ALOX5: variants seen among roughly 807,000 people sequenced by gnomAD.
ALOX5 encodes the protein arachidonate 5-lipoxygenase.
ALOX5 carries 64 observed loss-of-function variants against 87.9 expected under a neutral mutation model. That is an observed-to-expected ratio of 0.73 (90% CI 0.60 to 0.90). ALOX5 has a LOEUF of 0.90. ALOX5 is among the 40% of genes least tolerant of loss of function. ALOX5 has a pLI of 0.00. For synonymous variants in ALOX5, 388 were observed against 355.1 expected, an observed-to-expected ratio of 1.09 and a Z score of -1.04; for missense variants, 822 against 907.5, an observed-to-expected ratio of 0.91 and a Z score of 1.21.
intron 1 of ALOX5, among the ~76,000 whole-genome samples, chr10:45,381,815 AC>A (rs1336903769): frequency 2.6e-5 from 4 of 152,360 alleles, no homozygotes; most frequent in Non-Finnish European, 4.4e-5. Flanking sequence ...GGGTCGTAGC[AC>A]TGAGCCTTGT....
At chr10:45,398,312 A>G in intron 3 of ALOX5, among the ~76,000 whole-genome samples, 1 of 152,218 alleles carries the variant, frequency 6.6e-6, no homozygotes, top group Non-Finnish European at 1.5e-5. Flanking sequence ...ATGAAGTTGG[A>G]TCCTTAGCTC....
intron 3 of ALOX5, among the ~76,000 whole-genome samples, chr10:45,409,509 GTCTCTCTC>G (rs71515351): frequency 9.2e-4 from 120 of 129,822 alleles, no homozygotes; most frequent in Non-Finnish European, 1.6e-3. Context: ...CTGTCTGTCT[GTCTCTCTC>G]TCTCTCTCTC....
rs533411996 is a variant in ALOX5 at position 45,377,444 on chromosome 10, CCTCTACA to C, written c.150+3020_150+3026del. Among the ~76,000 whole-genome samples the C allele has an allele frequency of 2.7e-3, 405 of 151,950 alleles. 1 individual carries two copies. The highest frequency in any genetic ancestry group is 4.4e-3 in the Non-Finnish European group (298 of 67,970). ...TCCCTTCTTTTTTGCTCTGAATTTT[CCTCTACA>C]CTCTGTCTTCCAGCCACCTCTCAGA... On this transcript the variant is annotated intron_variant, in intron 1 of 13. Coordinates refer to ENST00000374391, the MANE Select transcript of ALOX5 (RefSeq NM_000698.5).
chr10:45,406,918 T>A (rs1440979605), intron 3 of ALOX5, among the ~76,000 whole-genome samples: 5 of 152,234 alleles, frequency 3.3e-5, no homozygotes, highest in African/African-American at 1.2e-4. Flanking sequence ...CCCTCTCATA[T>A]TTTTGTTTCT....
chr10:45,425,239 C>T lies in ALOX5; in HGVS notation c.834+107C>T, dbSNP rs1040603116. 1.3e-5 allele frequency: 18 copies of T among 1,353,180 alleles called. No individual in the cohort carries two copies. The highest frequency in any genetic ancestry group is 1.6e-5 in the Non-Finnish European group (16 of 1,008,818). 83.8% of individuals were successfully genotyped at this position (1,353,180 alleles called of 1,614,324 possible). ...GCCACCAAGACGCTAACTGCAGGCC[C>T]ATCTGGCCTACAGCAGCCGCTTCCT... On this transcript the variant is annotated intron_variant, in intron 6 of 13. Coordinates refer to ENST00000374391, the MANE Select transcript of ALOX5 (RefSeq NM_000698.5). This position sits in a 1 kb window ranked among gnomAD's most constrained non-coding sequence, Gnocchi z 4.4.
intron 3 of ALOX5, among the ~76,000 whole-genome samples, chr10:45,397,971 G>A (rs1056992259): frequency 6.6e-6 from 1 of 152,266 alleles, no homozygotes; most frequent in South Asian, 2.1e-4. Flanking sequence ...TGATTTCTTT[G>A]CAGAAATTGA....
At chr10:45,406,990 T>C (rs1840908437) in intron 3 of ALOX5, among the ~76,000 whole-genome samples, 1 of 152,240 alleles carries the variant, frequency 6.6e-6, no homozygotes, top group Non-Finnish European at 1.5e-5. Context: ...TTTAGGAGTT[T>C]ATTGATTCAT....
chr10:45,393,927 T>C (rs1324458523), intron 2 of ALOX5, among the ~76,000 whole-genome samples: 3 of 152,286 alleles, frequency 2.0e-5, no homozygotes, highest in Middle Eastern at 6.8e-3. Flanking sequence ...CAAGGAGAAC[T>C]ACAAATCACT....
intron 7 of ALOX5, among the ~76,000 whole-genome samples, chr10:45,437,397 T>G (rs1163009688): frequency 2.0e-5 from 3 of 152,324 alleles, no homozygotes; most frequent in Admixed American, 2.0e-4. Flanking sequence ...TTTTGTATCT[T>G]GAGTGTAGAA....
intron 7 of ALOX5, among the ~76,000 whole-genome samples, chr10:45,439,716 G>GTGA (rs1360942128): frequency 3.9e-5 from 6 of 152,202 alleles, no homozygotes; most frequent in African/African-American, 1.4e-4. Context: ...GCATTAAGAG[G>GTGA]TGATTGAGGA....
rs766524341 is a variant in ALOX5, at chr10:45,440,411, CT to C, written c.982-16del. 9.9e-6 allele frequency: 16 copies of C among 1,611,918 alleles called. No homozygotes were observed. Reference sequence around the variant, plus strand: ...GAAGTGAAATATAGCAGTGTGTTTCCTTTCCCCCAATGTATCAGCTCAACCA... The same window carrying C: ...GAAGTGAAATATAGCAGTGTGTTTCCTTCCCCCAATGTATCAGCTCAACCA... On this transcript the variant is annotated intron_variant, in intron 7 of 13. Transcript: ENST00000374391.
At chr10:45,432,545 T>C (rs1329534846) in intron 7 of ALOX5, among the ~76,000 whole-genome samples, 1 of 152,020 alleles carries the variant, frequency 6.6e-6, no homozygotes, top group Non-Finnish European at 1.5e-5. Flanking sequence ...GTTTTTCAAC[T>C]CAGTGAAAAA....
chr10:45,382,810 T>C (rs533261306), intron 2 of ALOX5, 129 bp downstream of exon 2: 760 of 1,124,478 alleles, frequency 6.8e-4, no homozygotes, highest in Non-Finnish European at 8.5e-4. Flanking sequence ...GGCTCTGCCC[T>C]GTGCCTCGAC....
chr10:45,399,828 A>G (rs113168220), intron 3 of ALOX5, among the ~76,000 whole-genome samples: 46 of 152,232 alleles, frequency 3.0e-4, no homozygotes, highest in African/African-American at 1.0e-3. Context: ...TTTAAAAATT[A>G]GCAAAGGATT....
At chr10:45,417,584 T>C (rs187242860) in intron 4 of ALOX5, among the ~76,000 whole-genome samples, 19 of 152,260 alleles carry the variant, frequency 1.2e-4, no homozygotes, top group African/African-American at 3.9e-4. Context: ...CTCAAGACAG[T>C]GGGAGGGCTT....
At chr10:45,406,637 A>G (rs969895912) in intron 3 of ALOX5, among the ~76,000 whole-genome samples, 3 of 152,090 alleles carry the variant, frequency 2.0e-5, no homozygotes, top group African/African-American at 7.2e-5. Flanking sequence ...TGAGTAGGAT[A>G]TTTTTCTGTT....
chr10:45,379,608 A>G (rs971239464), intron 1 of ALOX5, among the ~76,000 whole-genome samples: 3 of 152,178 alleles, frequency 2.0e-5, no homozygotes, highest in Admixed American at 2.0e-4. Context: ...ATGCTAGCTC[A>G]CAGGCGGTGT....
intron 1 of ALOX5, among the ~76,000 whole-genome samples, chr10:45,376,245 C>T (rs1415956438): frequency 2.0e-5 from 3 of 151,806 alleles, no homozygotes; most frequent in Admixed American, 1.3e-4. Flanking sequence ...TAATTAAACA[C>T]CTCAGCCGGA....
chr10:45,433,463 C>T (rs7099874), intron 7 of ALOX5, among the ~76,000 whole-genome samples: 1 of 152,086 alleles, frequency 6.6e-6, no homozygotes. Flanking sequence ...ATATAATCTA[C>T]GAGAACACAA....
Sources: allele counts gnomAD v4.1 joint callset (sites outside exome capture counted in the v4.1 genomes callset), GRCh38; gene constraint gnomAD v4.1.1; non-coding constraint Gnocchi (gnomAD v3.1); transcripts MANE v1.5; gene names NCBI Gene and HGNC (gene_info 2026-07-23, HGNC 2026-07-21).